The following CCDC152 variants were observed in gnomAD, a reference collection of about 807,000 sequenced individuals.
CCDC152 encodes the protein coiled-coil domain containing 152.
CCDC152 carries 37 observed loss-of-function variants against 38.1 expected under a neutral mutation model. The ratio of observed to expected loss-of-function variants is 0.97; its 90% CI spans 0.75 to 1.28. CCDC152 has a LOEUF of 1.28. CCDC152 is among the 50% of genes most tolerant of loss of function. The probability of loss-of-function intolerance (pLI) is 0.00; values close to 1 mark genes in which losing one functional copy is unlikely to be tolerated. For synonymous variants in CCDC152, 83 were observed against 87.1 expected (o/e 0.95, Z 0.26); for missense variants, 259 against 292.1 (o/e 0.89, Z 0.83).
chr5:42,800,557 T>C lies in CCDC152; in HGVS notation c.*776T>C. On this transcript the variant is annotated 3_prime_UTR_variant, in exon 9 of 9. Transcript: ENST00000361970. ...AAAAAATATGGTTTGAGTCAATATTTCTATGACATAAAATTTAAAATCTGG... is the reference window on the plus strand; with the variant it reads ...AAAAAATATGGTTTGAGTCAATATTCCTATGACATAAAATTTAAAATCTGG... The C allele has an allele frequency of 1.2e-6, 1 of 815,050 alleles. No individual in the cohort carries two copies. 50.5% of individuals were successfully genotyped at this position (815,050 alleles called of 1,614,324 possible). A position where few individuals can be genotyped will look rare whatever the true frequency, so the allele number is the denominator to read the frequency against.
At chr5:42,782,706 A>G (rs10069861) in intron 5 of CCDC152, among the ~76,000 whole-genome samples, 131,253 of 151,932 alleles carry the variant, frequency 0.86, 56,912 homozygotes, top group East Asian at 1. Flanking sequence ...TGATAAATAT[A>G]TGAGGCAAAT....
In CCDC152 at chr5:42,799,578, G is replaced by C. The variant is rs900137252; in HGVS notation, c.643-81G>C. ...ATTTTTTAAAATACCAATAGCAGAA[G>C]TGCATTTCTTTGTTATTTTGTTGTT... On this transcript the variant is annotated intron_variant, in intron 8 of 8. Transcript: ENST00000361970. The C allele has an allele frequency of 3.3e-6, 4 of 1,198,012 alleles. No individual in the cohort carries two copies. In the African/African-American group the frequency reaches 4.7e-5, roughly 14 times the overall value. 74.2% of individuals were successfully genotyped at this position (1,198,012 alleles called of 1,614,324 possible). A position where few individuals can be genotyped will look rare whatever the true frequency, so the allele number is the denominator to read the frequency against.
At chr5:42,793,917 G>C (rs143114882) in intron 6 of CCDC152, among the ~76,000 whole-genome samples, 2,979 of 152,226 alleles carry the variant, frequency 0.02, 35 homozygotes, top group Middle Eastern at 0.062. Context: ...CTGGACTTGG[G>C]GAATTTTTAT....
chr5:42,775,085 G>A (rs1759754679), intron 4 of CCDC152, among the ~76,000 whole-genome samples: 1 of 150,042 alleles, frequency 6.7e-6, no homozygotes, highest in Non-Finnish European at 1.5e-5. Flanking sequence ...TAATAACTAC[G>A]AAAGCTGTAA....
In CCDC152 at chr5:42,800,979, G is replaced by A; in HGVS notation, c.*1198G>A. On this transcript the variant is annotated 3_prime_UTR_variant, in exon 9 of 9. Coordinates refer to ENST00000361970, the MANE Select transcript of CCDC152 (RefSeq NM_001134848.2). ...ACAATGGCAGCATCAGCTCCTAGGA[G>A]CCAACTCTGAATCTGTGGGCAATTT... 1 of 1,614,206 alleles carries A rather than the reference G, an allele frequency of 6.2e-7. No individual in the cohort carries two copies. The highest frequency in any genetic ancestry group is 1.1e-5 in the South Asian group (1 of 91,092).
chr5:42,762,221 CT>C (rs1446241477), intron 2 of CCDC152, among the ~76,000 whole-genome samples: 2 of 152,170 alleles, frequency 1.3e-5, no homozygotes, highest in Non-Finnish European at 2.9e-5. Context: ...AATTGTTACA[CT>C]TGTATAGGGC....
chr5:42,776,389 C>T (rs1028518143), intron 4 of CCDC152, among the ~76,000 whole-genome samples: 1 of 151,976 alleles, frequency 6.6e-6, no homozygotes, highest in African/African-American at 2.4e-5. Flanking sequence ...TCCAAGAAGA[C>T]ATAAAATTGT....
intron 5 of CCDC152, among the ~76,000 whole-genome samples, chr5:42,781,473 G>A (rs1759843799): frequency 6.6e-6 from 1 of 151,818 alleles, no homozygotes; most frequent in African/African-American, 2.4e-5. Context: ...GTCTTGACCT[G>A]TTTTAAACTG....
intron 4 of CCDC152, among the ~76,000 whole-genome samples, chr5:42,778,283 G>A (rs909235680): frequency 6.6e-6 from 1 of 152,118 alleles, no homozygotes; most frequent in Non-Finnish European, 1.5e-5. Context: ...CTGGAACCTC[G>A]AAGTTAAATA....
At chr5:42,779,051 A>AT (rs767641239) in intron 4 of CCDC152, among the ~76,000 whole-genome samples, 15 of 152,118 alleles carry the variant, frequency 9.9e-5, no homozygotes, top group Non-Finnish European at 1.3e-4. Flanking sequence ...CTTCTGTGCG[A>AT]TTTTCTGCAT....
In CCDC152 at chr5:42,800,677, T is replaced by A; in HGVS notation, c.*896T>A. 1 of 1,519,710 alleles carries A rather than the reference T, an allele frequency of 6.6e-7. No individual in the cohort carries two copies. The highest frequency in any genetic ancestry group is 8.8e-7 in the Non-Finnish European group (1 of 1,134,762). 94.1% of individuals were successfully genotyped at this position (1,519,710 alleles called of 1,614,324 possible). A position where few individuals can be genotyped will look rare whatever the true frequency, so the allele number is the denominator to read the frequency against. Reference sequence around the variant, plus strand: ...GTTTATAAAAATGCTGGAAATGAAATTGTGTCTAGACTAAATTGGGGAGTA... The same window carrying A: ...GTTTATAAAAATGCTGGAAATGAAAATGTGTCTAGACTAAATTGGGGAGTA... On this transcript the variant is annotated 3_prime_UTR_variant, in exon 9 of 9. Transcript: ENST00000361970.
At chr5:42,786,732 G>A (rs1417687214) in intron 6 of CCDC152, among the ~76,000 whole-genome samples, 3 of 151,956 alleles carry the variant, frequency 2.0e-5, no homozygotes, top group African/African-American at 7.2e-5. Context: ...TCATTTAGGT[G>A]CAACGTTGGG....
In CCDC152 at chr5:42,762,480, A is replaced by G. The variant is rs1759565435; in HGVS notation, c.125A>G (p.Asp42Gly). Residue 42 changes from aspartate (D) to glycine (G), a missense_variant, in exon 3 of 9, where the codon GAT becomes GGT. Asp to Gly is a moderately conservative substitution (Grantham distance 94, BLOSUM62 -1). Transcript: ENST00000361970. ...ACCAATGGAAAGAACAATATACTGG[A>G]TATTCAGTTGGAAAAAAGTAATTGC... Reference protein sequence around the residue: ...VETNGKNNILDIQLEKSNCLL... With the variant: ...VETNGKNNILGIQLEKSNCLL... The G allele has an allele frequency of 6.5e-7, 1 of 1,536,340 alleles. No individual in the cohort carries two copies. Among genetic ancestry groups the G allele is most frequent in the Non-Finnish European group, 8.8e-7 (1 of 1,133,376 alleles).
At chr5:42,779,611 A>G in intron 5 of CCDC152, 89 bp downstream of exon 5, 1 of 729,968 alleles carries the variant, frequency 1.4e-6, no homozygotes, top group East Asian at 2.8e-5. Context: ...TTAAATTAAT[A>G]AACACAGCCA....
chr5:42,764,242 T>C (rs1759595886), intron 3 of CCDC152, among the ~76,000 whole-genome samples: 1 of 152,080 alleles, frequency 6.6e-6, no homozygotes, highest in African/African-American at 2.4e-5. Context: ...AAACCCCGTC[T>C]CTACTAAAAA....
rs973568578 is a variant in CCDC152, at chr5:42,759,201, T to C, written c.80T>C (p.Ile27Thr). 5.8e-6 allele frequency: 9 copies of C among 1,540,660 alleles called. No individual in the cohort carries two copies. The African/African-American group carries it at 8.2e-5, about 14-fold the overall frequency. Residue 27 changes from isoleucine to threonine, a missense_variant, in exon 2 of 9, where the codon ATA (isoleucine) becomes ACA (threonine). Transcript: ENST00000361970. Reference sequence around the variant, plus strand: ...AAACTTATAAATGACTTCTCACAGATAGAAAAGGTATGTAAAGATAGAAAA... The same window carrying C: ...AAACTTATAAATGACTTCTCACAGACAGAAAAGGTATGTAAAGATAGAAAA... ...LDKLINDFSQ[I>T]EKKMVETNGK...
chr5:42,767,039 T>G (rs1205376559), intron 3 of CCDC152, among the ~76,000 whole-genome samples: 1 of 152,146 alleles, frequency 6.6e-6, no homozygotes, highest in Non-Finnish European at 1.5e-5. Flanking sequence ...TATATACACC[T>G]ACTATGTAAC....
intron 6 of CCDC152, among the ~76,000 whole-genome samples, chr5:42,783,952 A>G (rs1363452018): frequency 6.6e-6 from 1 of 152,190 alleles, no homozygotes; most frequent in Non-Finnish European, 1.5e-5. Flanking sequence ...GTAGTATTTC[A>G]TGGTGTATAT....
At chr5:42,759,249 A>G (rs183320572) in intron 2 of CCDC152, 41 bp downstream of exon 2, 263 of 1,268,174 alleles carry the variant, frequency 2.1e-4, no homozygotes, top group African/African-American at 2.0e-3. Context: ...ATAGGGATAC[A>G]TGGAACAGAT....
Sources: gnomAD v4.1 joint callset for allele counts (sites outside exome capture counted in the v4.1 genomes callset) on GRCh38, gnomAD v4.1.1 for gene constraint, MANE v1.5 for transcripts, NCBI Gene and HGNC (gene_info 2026-07-23, HGNC 2026-07-21) for gene names.